SYT10: variants seen among roughly 807,000 people sequenced by gnomAD.
SYT10 encodes the protein synaptotagmin 10.
A neutral mutation model predicts 51.1 loss-of-function variants in SYT10; 31 were observed. The observed-to-expected ratio is 0.61, with a 90% CI of 0.46 to 0.82. SYT10 has a LOEUF of 0.82. Ranked by LOEUF, SYT10 falls within the 40% of genes least tolerant of loss-of-function variation. The pLI is 0.00. For missense variants in SYT10, 603 were observed against 634.0 expected (o/e 0.95, Z 0.53); for synonymous variants, 233 against 225.9 (o/e 1.03, Z -0.28).
chr12:33,425,547 G>T (rs1192362746), intron 2 of SYT10, among the ~76,000 whole-genome samples: 1 of 152,102 alleles, frequency 6.6e-6, no homozygotes, highest in Non-Finnish European at 1.5e-5. Flanking sequence ...ATATGCCCAT[G>T]ATATTTGGCC....
rs181672011 is a variant in SYT10 at position 33,434,657 on chromosome 12, T to C, written c.151+4715A>G. Among the ~76,000 whole-genome samples, 444 of 152,122 alleles carry C rather than the reference T, an allele frequency of 2.9e-3. 2 individuals carry two copies. Among genetic ancestry groups the C allele is most frequent in the African/African-American group, 0.01 (430 of 41,504 alleles). ...CCCGACTCTACTAAAAATACAAAATTAGCTGGGCGTGGTGGCACATGCCTG... is the reference window on the plus strand; with the variant it reads ...CCCGACTCTACTAAAAATACAAAATCAGCTGGGCGTGGTGGCACATGCCTG... On this transcript the variant is annotated intron_variant, in intron 1 of 6. Transcript: ENST00000228567.
intron 1 of SYT10, among the ~76,000 whole-genome samples, chr12:33,438,835 G>C (rs911026911): frequency 3.3e-5 from 5 of 152,360 alleles, no homozygotes; most frequent in African/African-American, 1.2e-4. Context: ...TGCCCGACAG[G>C]TTGCAGCCGC....
At chr12:33,433,015 G>C (rs1866609705) in intron 1 of SYT10, among the ~76,000 whole-genome samples, 1 of 152,042 alleles carries the variant, frequency 6.6e-6, no homozygotes, top group African/African-American at 2.4e-5. Context: ...GAGGCATGTT[G>C]ATGCCAGCTC....
intron 2 of SYT10, among the ~76,000 whole-genome samples, chr12:33,424,258 A>T (rs1047170130): frequency 2.6e-5 from 4 of 152,168 alleles, no homozygotes; most frequent in African/African-American, 9.6e-5. Flanking sequence ...AGCTAGGGAT[A>T]ATCAAATAAG....
intron 6 of SYT10, among the ~76,000 whole-genome samples, chr12:33,378,140 A>G (rs1866082016): frequency 6.6e-6 from 1 of 152,098 alleles, no homozygotes; most frequent in South Asian, 2.1e-4. Flanking sequence ...AGGGGTTAAA[A>G]GGAGCTATTT....
chr12:33,434,651 C>G (rs964616692), intron 1 of SYT10, among the ~76,000 whole-genome samples: 2 of 151,904 alleles, frequency 1.3e-5, no homozygotes, highest in African/African-American at 4.8e-5. Flanking sequence ...ACTAAAAATA[C>G]AAAATTAGCT....
rs549507739 is a variant in SYT10 at position 33,430,075 on chromosome 12, G to C, written c.152-3580C>G. ...CCTATCATATCTGGAAAGATTAAGA[G>C]CTAATGAAATAAACAGAAATTAGAT... On this transcript the variant is annotated intron_variant, in intron 1 of 6. Coordinates refer to ENST00000228567, the MANE Select transcript of SYT10 (RefSeq NM_198992.4). Among the ~76,000 whole-genome samples, 3 of 152,264 alleles carry C rather than the reference G, an allele frequency of 2.0e-5. No individual in the cohort carries two copies. In the South Asian group the frequency reaches 6.2e-4, roughly 32 times the overall value.
At chr12:33,402,725 A>T (rs1161822385) in intron 3 of SYT10, among the ~76,000 whole-genome samples, 4 of 152,136 alleles carry the variant, frequency 2.6e-5, no homozygotes, top group East Asian at 3.9e-4. Flanking sequence ...TTCTAGGAAG[A>T]TTTTTTTGGA....
rs576819055 is a variant in SYT10, at chr12:33,375,848, G to A, written c.*982C>T. ...CACCATTACTGTGTACAATCTAAAC[G>A]GTGATGAACACAGACAGTGTTGTTG... On this transcript the variant is annotated 3_prime_UTR_variant, in exon 7 of 7. Transcript: ENST00000228567. 2.6e-5 allele frequency: 4 copies of A among 152,582 alleles called. No individual in the cohort carries two copies. The highest frequency in any genetic ancestry group is 2.1e-4 in the South Asian group (1 of 4,830). The allele number at this position is 152,582 out of a possible 1,614,324, so 9.5% of individuals were successfully genotyped here.
intron 2 of SYT10, among the ~76,000 whole-genome samples, chr12:33,416,705 A>G (rs1866456871): frequency 6.6e-6 from 1 of 152,112 alleles, no homozygotes; most frequent in Admixed American, 6.6e-5. Flanking sequence ...CTTCACAACC[A>G]CAATTTCAGG....
intron 3 of SYT10, among the ~76,000 whole-genome samples, chr12:33,389,218 G>A (rs1324832516): frequency 6.6e-6 from 1 of 152,146 alleles, no homozygotes; most frequent in East Asian, 1.9e-4. Flanking sequence ...TATGGGCAAG[G>A]TGTTGGTGAC....
At chr12:33,377,363 G>A (rs1294873209) in intron 6 of SYT10, among the ~76,000 whole-genome samples, 1 of 151,470 alleles carries the variant, frequency 6.6e-6, no homozygotes, top group Admixed American at 6.6e-5. Context: ...AGTAGAGATC[G>A]GGTTTCACCA....
chr12:33,412,365 T>A (rs1207959340), intron 2 of SYT10, among the ~76,000 whole-genome samples: 3 of 151,880 alleles, frequency 2.0e-5, no homozygotes, highest in Non-Finnish European at 4.4e-5. Flanking sequence ...ATTACAATGT[T>A]TAAACTATTG....
intron 2 of SYT10, among the ~76,000 whole-genome samples, chr12:33,414,061 C>G (rs1866432363): frequency 6.6e-6 from 1 of 151,778 alleles, no homozygotes; most frequent in Admixed American, 6.6e-5. Context: ...AGACTTTAAA[C>G]CAACAAAGAT....
chr12:33,426,923 A>G (rs1176323814), intron 1 of SYT10, among the ~76,000 whole-genome samples: 1 of 152,224 alleles, frequency 6.6e-6, no homozygotes, highest in East Asian at 1.9e-4. Flanking sequence ...ATCATATTAA[A>G]TATTTCTGTA....
intron 2 of SYT10, among the ~76,000 whole-genome samples, chr12:33,420,539 C>A (rs114147116): frequency 2.0e-5 from 3 of 151,836 alleles, no homozygotes; most frequent in Non-Finnish European, 2.9e-5. Context: ...GTAGTCCTGG[C>A]AACTTGGGAG....
chr12:33,414,817 C>T (rs1189669175), intron 2 of SYT10, among the ~76,000 whole-genome samples: 1 of 152,136 alleles, frequency 6.6e-6, no homozygotes, highest in Non-Finnish European at 1.5e-5. Context: ...GAAAAACTTG[C>T]CCCATCTAAC....
At chr12:33,433,187 G>A (rs1866610705) in intron 1 of SYT10, among the ~76,000 whole-genome samples, 1 of 152,154 alleles carries the variant, frequency 6.6e-6, no homozygotes, top group Admixed American at 6.5e-5. Flanking sequence ...CATTGTGCCA[G>A]TTAGACAAAA....
chr12:33,382,282 A>C (rs1195066504), intron 5 of SYT10, 67 bp downstream of exon 5: 5 of 1,319,652 alleles, frequency 3.8e-6, no homozygotes, highest in Admixed American at 5.9e-5. Flanking sequence ...AATGACCTGA[A>C]AAGCTGAGTT....
Sources: gnomAD v4.1 joint callset for allele counts (sites outside exome capture counted in the v4.1 genomes callset) on GRCh38, gnomAD v4.1.1 for gene constraint, MANE v1.5 for transcripts, NCBI Gene and HGNC (gene_info 2026-07-23, HGNC 2026-07-21) for gene names.